The following UBE3D variants were observed in gnomAD, a reference collection of about 807,000 sequenced individuals.
The protein encoded by UBE3D is ubiquitin protein ligase E3D.
In UBE3D, 48 loss-of-function variants were observed where a neutral mutation model predicts 49.6. The observed-to-expected ratio is 0.97, with a 90% CI of 0.77 to 1.23. The LOEUF (loss-of-function observed/expected upper bound fraction) is 1.23. Among genes scored for constraint, UBE3D ranks in the 50% most tolerant of loss-of-function variants. The probability of loss-of-function intolerance (pLI) is 0.00; values close to 1 mark genes in which losing one functional copy is unlikely to be tolerated. For missense variants in UBE3D, 452 were observed against 468.4 expected, an observed-to-expected ratio of 0.96 and a Z score of 0.32; for synonymous variants, 189 against 174.2, an observed-to-expected ratio of 1.08 and a Z score of -0.67.
At chr6:82,937,846 A>G (rs1264244087) in intron 9 of UBE3D, among the ~76,000 whole-genome samples, 4 of 152,130 alleles carry the variant, frequency 2.6e-5, no homozygotes, top group African/African-American at 9.7e-5. Context: ...CCTCCACATG[A>G]AAGAGTTACC....
chr6:83,046,598 C>A (rs987396209), intron 3 of UBE3D, among the ~76,000 whole-genome samples: 4 of 133,830 alleles, frequency 3.0e-5, no homozygotes, highest in Admixed American at 9.4e-5. Flanking sequence ...GAAATATAGA[C>A]CTACAAACAA....
chr6:83,006,710 A>G (rs1451551030), intron 8 of UBE3D, among the ~76,000 whole-genome samples: 1 of 152,196 alleles, frequency 6.6e-6, no homozygotes, highest in African/African-American at 2.4e-5. Flanking sequence ...ACTATAATAT[A>G]GTCAAATTCA....
At chr6:82,954,917 C>A (rs549194542) in intron 9 of UBE3D, among the ~76,000 whole-genome samples, 1 of 152,220 alleles carries the variant, frequency 6.6e-6, no homozygotes, top group East Asian at 1.9e-4. Context: ...GGGACCAAAC[C>A]AGTTCATAAG....
chr6:83,028,057 T>C (rs992689314), intron 5 of UBE3D, among the ~76,000 whole-genome samples: 1 of 152,180 alleles, frequency 6.6e-6, no homozygotes, highest in Non-Finnish European at 1.5e-5. Flanking sequence ...ACTGGCTGAG[T>C]TTTTAATATC....
chr6:82,964,689 G>C (rs533487641), intron 8 of UBE3D, among the ~76,000 whole-genome samples: 1 of 152,092 alleles, frequency 6.6e-6, no homozygotes. Flanking sequence ...CTTAGTGATA[G>C]AATTTTTATA....
intron 5 of UBE3D, among the ~76,000 whole-genome samples, chr6:83,033,007 C>G (rs182390762): frequency 6.6e-6 from 1 of 152,080 alleles, no homozygotes; most frequent in African/African-American, 2.4e-5. Flanking sequence ...AGCATGAGAA[C>G]AGACTAATAC....
chr6:82,986,364 G>A (rs979817623), intron 8 of UBE3D, among the ~76,000 whole-genome samples: 4 of 150,842 alleles, frequency 2.7e-5, no homozygotes, highest in Non-Finnish European at 4.4e-5. Context: ...CGACCTACTC[G>A]GGAGGCTGAG....
intron 5 of UBE3D, among the ~76,000 whole-genome samples, chr6:83,025,882 T>TAAAAAAA (rs70987730): frequency 1.0e-4 from 9 of 90,312 alleles, no homozygotes; most frequent in East Asian, 3.3e-4. Context: ...GACTCCATCT[T>TAAAAAAA]AAAAAAAAAA....
intron 9 of UBE3D, among the ~76,000 whole-genome samples, chr6:82,943,003 T>A (rs902809250): frequency 1.3e-5 from 2 of 152,184 alleles, no homozygotes; most frequent in Non-Finnish European, 2.9e-5. Context: ...GGAGGGGGGC[T>A]GTACCCTGCA....
At chr6:83,040,986 T>TA (rs1782631964) in intron 4 of UBE3D, among the ~76,000 whole-genome samples, 3 of 152,240 alleles carry the variant, frequency 2.0e-5, no homozygotes, top group African/African-American at 7.2e-5. Flanking sequence ...TCTGGCAGTT[T>TA]AATGCTTTCT....
intron 9 of UBE3D, among the ~76,000 whole-genome samples, chr6:82,956,325 T>C (rs1014687530): frequency 3.9e-5 from 6 of 152,192 alleles, no homozygotes; most frequent in Non-Finnish European, 8.8e-5. Flanking sequence ...CATATAGTAG[T>C]GATAGGGCCA....
chr6:82,911,161 A>G lies in UBE3D; in HGVS notation c.1150-18119T>C, dbSNP rs548711691. Among the ~76,000 whole-genome samples, 3 of 133,240 alleles carry G rather than the reference A, an allele frequency of 2.3e-5. No individual in the cohort carries two copies. In the East Asian group the frequency reaches 7.1e-4, roughly 32 times the overall value. The allele number at this position is 133,240 out of a possible 152,430, so 87.4% of individuals were successfully genotyped here. On this transcript the variant is annotated intron_variant, in intron 9 of 9. Transcript: ENST00000369747. ...GAAGGATGGAAAAATCATTTTTCTT[A>G]TCTGTAGAAGTAGGTCACAGCAAGA...
intron 9 of UBE3D, among the ~76,000 whole-genome samples, chr6:82,942,493 G>A (rs529243846): frequency 2.0e-4 from 30 of 152,196 alleles, no homozygotes; most frequent in South Asian, 4.1e-4. Flanking sequence ...AGACCTTCAG[G>A]GCAGCCCCTC....
intron 1 of UBE3D, 101 bp from the exon 2 acceptor site, chr6:83,058,123 T>G: frequency 8.4e-7 from 1 of 1,186,888 alleles, no homozygotes; most frequent in Non-Finnish European, 1.2e-6. Context: ...TCCTCTTCAA[T>G]AGGAGCTCTA....
intron 8 of UBE3D, among the ~76,000 whole-genome samples, chr6:83,008,038 C>G (rs777148586): frequency 1.3e-5 from 2 of 152,092 alleles, no homozygotes; most frequent in Non-Finnish European, 2.9e-5. Flanking sequence ...TCAAGAAAAT[C>G]GTGGGTTATA....
intron 9 of UBE3D, among the ~76,000 whole-genome samples, chr6:82,925,971 C>T (rs549290848): frequency 1.3e-5 from 2 of 152,130 alleles, no homozygotes; most frequent in African/African-American, 4.8e-5. Flanking sequence ...TATTCAAATC[C>T]CCACATTTCT....
At chr6:82,943,746 T>C (rs774599692) in intron 9 of UBE3D, among the ~76,000 whole-genome samples, 21 of 152,158 alleles carry the variant, frequency 1.4e-4, no homozygotes, top group Non-Finnish European at 2.5e-4. Flanking sequence ...CAGTCTTGAA[T>C]TGTCAATGCC....
At chr6:82,981,129 A>G (rs905475750) in intron 8 of UBE3D, among the ~76,000 whole-genome samples, 3 of 152,138 alleles carry the variant, frequency 2.0e-5, no homozygotes, top group African/African-American at 7.2e-5. Flanking sequence ...TTCATTTTAA[A>G]AACAAGGAAA....
intron 8 of UBE3D, chr6:83,018,294 A>C (rs1200641864): frequency 6.6e-6 from 1 of 152,186 alleles, no homozygotes; most frequent in African/African-American, 2.4e-5. Flanking sequence ...GATATGGCTC[A>C]CCACTTCACT....
Sources: allele counts gnomAD v4.1 joint callset (sites outside exome capture counted in the v4.1 genomes callset), GRCh38; gene constraint gnomAD v4.1.1; transcripts MANE v1.5; gene names NCBI Gene and HGNC (gene_info 2026-07-23, HGNC 2026-07-21).